AZI2: variants seen among roughly 807,000 people sequenced by gnomAD.
AZI2 encodes the protein 5-azacytidine-induced protein 2.
A neutral mutation model predicts 45.8 loss-of-function variants in AZI2; 22 were observed. The ratio of observed to expected loss-of-function variants is 0.48; its 90% CI spans 0.34 to 0.69. The LOEUF (loss-of-function observed/expected upper bound fraction) is 0.69. Ranked by LOEUF, AZI2 falls within the 30% of genes least tolerant of loss-of-function variation. The pLI is 0.01. For synonymous variants in AZI2, 137 were observed against 156.7 expected (o/e 0.87, Z 0.94); for missense variants, 417 against 441.5 (o/e 0.94, Z 0.50).
At position 28,324,026 on chromosome 3, in the gene AZI2, G is replaced by A. The variant is rs375666124; in HGVS notation, c.*16C>T. 5.0e-6 allele frequency: 8 copies of A among 1,584,918 alleles called. No individual in the cohort carries two copies. Among genetic ancestry groups the A allele is most frequent in the South Asian group, 3.4e-5 (3 of 88,776 alleles). On this transcript the variant is annotated 3_prime_UTR_variant, in exon 8 of 8. Transcript: ENST00000479665. ...AGATAAGTGTCCTCATGGTGAAATC[G>A]TGAATCTCTTCCAAATTAATTCTTA... is the stretch of plus-strand genomic sequence containing the variant.
At chr3:28,344,196 A>C (rs148666019) in intron 1 of AZI2, among the ~76,000 whole-genome samples, 1 of 152,038 alleles carries the variant, frequency 6.6e-6, no homozygotes. Flanking sequence ...TTGTTTTAAA[A>C]TAACTGTCAT....
chr3:28,339,655 G>A (rs1703934086), intron 2 of AZI2, among the ~76,000 whole-genome samples: 1 of 151,894 alleles, frequency 6.6e-6, no homozygotes, highest in South Asian at 2.1e-4. Context: ...CATTTCCTTG[G>A]ATAATTAATT....
chr3:28,347,585 C>A (rs1272165912), intron 1 of AZI2, among the ~76,000 whole-genome samples: 1 of 152,154 alleles, frequency 6.6e-6, no homozygotes, highest in Non-Finnish European at 1.5e-5. Context: ...AGCCTCTTAC[C>A]CATTGTCAAG....
intron 6 of AZI2, among the ~76,000 whole-genome samples, chr3:28,329,852 T>A (rs1703512272): frequency 6.6e-6 from 1 of 151,220 alleles, no homozygotes; most frequent in Non-Finnish European, 1.5e-5. Flanking sequence ...AGAAAACAAG[T>A]TCTAAGAAAC....
At chr3:28,326,995 T>C (rs1476833614) in intron 6 of AZI2, 45 bp from the exon 7 acceptor site, 1 of 1,331,396 alleles carries the variant, frequency 7.5e-7, no homozygotes, top group Non-Finnish European at 1.1e-6. Flanking sequence ...ATCATTCTTT[T>C]TTAGACAAAA....
chr3:28,343,772 A>T (rs116003417), intron 1 of AZI2, among the ~76,000 whole-genome samples: 1 of 151,974 alleles, frequency 6.6e-6, no homozygotes, highest in South Asian at 2.1e-4. Flanking sequence ...CCCCTCTCCA[A>T]TGAATCTTTT....
rs1168890405 is a variant in AZI2, at chr3:28,322,685, C to G, written c.*1357G>C. On this transcript the variant is annotated 3_prime_UTR_variant, in exon 8 of 8. Coordinates refer to ENST00000479665, the MANE Select transcript of AZI2 (RefSeq NM_022461.5). ...TGTACTCCCCTGAGTCAGCTGTGTT[C>G]ATTGGTCAGAATAAATTCCAGCATC... 1 of 151,464 alleles carries G rather than the reference C, an allele frequency of 6.6e-6. No individual in the cohort carries two copies. The highest frequency in any genetic ancestry group is 2.4e-5 in the African/African-American group (1 of 41,256). The allele number at this position is 151,464 out of a possible 1,614,324, so 9.4% of individuals were successfully genotyped here. A position where few individuals can be genotyped will look rare whatever the true frequency, so the allele number is the denominator to read the frequency against.
chr3:28,321,457 T>C lies in AZI2; in HGVS notation c.*2585A>G, dbSNP rs1258974782. The C allele has an allele frequency of 6.6e-6, 1 of 151,378 alleles. No homozygotes were observed. Among genetic ancestry groups the C allele is most frequent in the African/African-American group, 2.4e-5 (1 of 41,346 alleles). 9.4% of individuals were successfully genotyped at this position (151,378 alleles called of 1,614,324 possible). On this transcript the variant is annotated 3_prime_UTR_variant, in exon 8 of 8. Transcript: ENST00000479665. ...GTATAAATAATATGTTCATCCTCCTTATGTCAAAGACTAAACCATTCATTG... is the reference window on the plus strand; with the variant it reads ...GTATAAATAATATGTTCATCCTCCTCATGTCAAAGACTAAACCATTCATTG...
Position 28,322,652 on chromosome 3 carries a change from C to G in AZI2, c.*1390G>C, listed in dbSNP as rs370365467. 7 of 151,574 alleles carry G rather than the reference C, an allele frequency of 4.6e-5. No homozygotes were observed. Among genetic ancestry groups the G allele is most frequent in the African/African-American group, 1.7e-4 (7 of 41,406 alleles). The allele number at this position is 151,574 out of a possible 1,614,324, so 9.4% of individuals were successfully genotyped here. On this transcript the variant is annotated 3_prime_UTR_variant, in exon 8 of 8. Coordinates refer to ENST00000479665, the MANE Select transcript of AZI2 (RefSeq NM_022461.5). ...TATTGGGTTTGGTTCTATTACTTGG[C>G]AGGAGATTGTACTCCCCTGAGTCAG...
At chr3:28,346,545 G>A (rs1249515065) in intron 1 of AZI2, among the ~76,000 whole-genome samples, 1 of 151,288 alleles carries the variant, frequency 6.6e-6, no homozygotes, top group Non-Finnish European at 1.5e-5. Context: ...CCTCACCACA[G>A]CAGTATGTGA....
rs758093829 is a variant in AZI2, at chr3:28,324,107, A to G, written c.1114T>C (p.Leu372=). 6.2e-7 allele frequency: 1 copy of G among 1,610,254 alleles called. No individual in the cohort carries two copies. The highest frequency in any genetic ancestry group is 1.1e-5 in the South Asian group (1 of 90,940). ...TAATGCAGTGGTGGAAGGTTGGGTA[A>G]AGGCAAAGTTTTAGTTTTAGTTTCC... is the stretch of plus-strand genomic sequence containing the variant. ...FGETKTKTLP[L]PNLPPLHYLD... The change falls in exon 8 of 8, where the codon TTA becomes CTA. Residue 372 remains leucine (L), a synonymous_variant. Transcript: ENST00000479665.
At chr3:28,347,003 A>G (rs933170501) in intron 1 of AZI2, among the ~76,000 whole-genome samples, 1 of 152,232 alleles carries the variant, frequency 6.6e-6, no homozygotes, top group African/African-American at 2.4e-5. Context: ...GCACAGATCA[A>G]GACTCTTCCA....
At chr3:28,330,440 A>G (rs1300628944) in intron 6 of AZI2, among the ~76,000 whole-genome samples, 2 of 151,490 alleles carry the variant, frequency 1.3e-5, no homozygotes, top group African/African-American at 4.8e-5. Context: ...AAATATCCCT[A>G]TATACTTTCT....
intron 7 of AZI2, chr3:28,324,810 G>T: frequency 6.0e-6 from 1 of 167,318 alleles, no homozygotes; most frequent in Non-Finnish European, 1.3e-5. Context: ...TACAAATAAA[G>T]ATCCTGTTCT....
intron 2 of AZI2, among the ~76,000 whole-genome samples, chr3:28,339,762 CTAAGT>C (rs1703938686): frequency 6.6e-6 from 1 of 152,008 alleles, no homozygotes. Context: ...ACAAACTAAG[CTAAGT>C]TAAAACTTTA....
At chr3:28,341,449 G>A (rs192559345) in intron 1 of AZI2, 1 of 152,072 alleles carries the variant, frequency 6.6e-6, no homozygotes, top group African/African-American at 2.4e-5. Flanking sequence ...ACTGAATGAA[G>A]AGTGGGTAGA....
In AZI2 at chr3:28,336,723, T is replaced by C. The variant is rs754437353; in HGVS notation, c.588+14A>G. The C allele has an allele frequency of 4.4e-6, 7 of 1,606,846 alleles. No individual in the cohort carries two copies. The highest frequency in any genetic ancestry group is 3.3e-5 in the South Asian group (3 of 89,934). Reference sequence around the variant, plus strand: ...AAAAATACTGAAATTCTCAATTTAATAATTCTGTAATACCGTTTGTTTGGC... The same window carrying C: ...AAAAATACTGAAATTCTCAATTTAACAATTCTGTAATACCGTTTGTTTGGC... On this transcript the variant is annotated intron_variant, in intron 5 of 7. Coordinates refer to ENST00000479665, the MANE Select transcript of AZI2 (RefSeq NM_022461.5).
chr3:28,332,256 C>A, intron 6 of AZI2, 113 bp downstream of exon 6: 3 of 875,754 alleles, frequency 3.4e-6, no homozygotes, highest in Non-Finnish European at 5.4e-6. Flanking sequence ...AGTATCCAAA[C>A]AATATCCATT....
chr3:28,323,790 CTTAAG>C lies in AZI2; in HGVS notation c.*247_*251del, dbSNP rs1703271363. 9.9e-6 allele frequency: 3 copies of C among 301,828 alleles called. No individual in the cohort carries two copies. Among genetic ancestry groups the C allele is most frequent in the East Asian group, 1.1e-4 (2 of 18,450 alleles). 18.7% of individuals were successfully genotyped at this position (301,828 alleles called of 1,614,324 possible). On this transcript the variant is annotated 3_prime_UTR_variant, in exon 8 of 8. Transcript: ENST00000479665. ...ATAGAAGGCAGAGTTTTTTAAACAC[CTTAAG>C]TTTACTTATTAATTAGTATAGTAGC...
Sources: allele counts gnomAD v4.1 joint callset (sites outside exome capture counted in the v4.1 genomes callset), GRCh38; gene constraint gnomAD v4.1.1; transcripts MANE v1.5; gene names NCBI Gene and HGNC (gene_info 2026-07-23, HGNC 2026-07-21).